SMARCB1: variants seen among roughly 807,000 people sequenced by gnomAD.
SMARCB1 encodes the protein SWI/SNF related BAF chromatin remodeling complex subunit B1.
SMARCB1 carries 5 observed loss-of-function variants against 49.0 expected under a neutral mutation model. The ratio of observed to expected loss-of-function variants is 0.10; its 90% CI spans 0.05 to 0.21. SMARCB1 has a LOEUF of 0.21. Ranked by LOEUF, SMARCB1 falls within the 10% of genes least tolerant of loss-of-function variation. The probability of loss-of-function intolerance (pLI) is 1.00; values close to 1 mark genes in which losing one functional copy is unlikely to be tolerated. For missense variants in SMARCB1, 226 were observed against 509.2 expected, an observed-to-expected ratio of 0.44 and a Z score of 5.35; for synonymous variants, 201 against 200.1, an observed-to-expected ratio of 1.00 and a Z score of -0.04.
intron 6 of SMARCB1, among the ~76,000 whole-genome samples, chr22:23,818,964 C>T (rs2146015939): frequency 6.6e-6 from 1 of 152,002 alleles, no homozygotes; most frequent in African/African-American, 2.4e-5. Context: ...GTGCAGCCTC[C>T]TGAGTAGCTG....
chr22:23,800,024 T>A (rs1929043630), intron 3 of SMARCB1, among the ~76,000 whole-genome samples: 1 of 152,040 alleles, frequency 6.6e-6, no homozygotes, highest in Non-Finnish European at 1.5e-5. Context: ...AGACAGGGTT[T>A]CACCATGTTG....
chr22:23,793,468 T>C, intron 2 of SMARCB1, 91 bp from the exon 3 acceptor site: 2 of 1,364,036 alleles, frequency 1.5e-6, no homozygotes, highest in Non-Finnish European at 2.1e-6. Flanking sequence ...ACCTCCCGCA[T>C]GCGAGGACCT....
At chr22:23,805,916 G>C (rs545539401) in intron 5 of SMARCB1, among the ~76,000 whole-genome samples, 34 of 152,300 alleles carry the variant, frequency 2.2e-4, no homozygotes, top group Non-Finnish European at 2.2e-4. Context: ...GAAAGTTCTG[G>C]TTTGTTTATA....
chr22:23,790,169 A>T (rs1928286378), intron 1 of SMARCB1, among the ~76,000 whole-genome samples: 1 of 152,118 alleles, frequency 6.6e-6, no homozygotes, highest in Non-Finnish European at 1.5e-5. Flanking sequence ...GGAGACTCAG[A>T]GCCCTGCAGG....
rs2031054255 is a variant in SMARCB1, at chr22:23,836,436, G to A, written c.*2256G>A. ...CTGGCCCCAGCAGCCGAAATCTGGT[G>A]AACTTCCCCGCTGACTGGCAGGTAG... On this transcript the variant is annotated 3_prime_UTR_variant, in exon 9 of 9. Transcript: ENST00000644036. 3 of 989,614 alleles carry A rather than the reference G, an allele frequency of 3.0e-6. No homozygotes were observed. The highest frequency in any genetic ancestry group is 3.6e-6 in the Non-Finnish European group (3 of 832,908). The allele number at this position is 989,614 out of a possible 1,614,324, so 61.3% of individuals were successfully genotyped here.
chr22:23,835,930 G>A lies in SMARCB1; in HGVS notation c.*1750G>A. ...CACAAGGTCTGGCTACAACACGGAG[G>A]GCAGACTCAACAGAGAACAGTGTTG... On this transcript the variant is annotated 3_prime_UTR_variant, in exon 9 of 9. Transcript: ENST00000644036. 1.0e-6 allele frequency: 1 copy of A among 985,474 alleles called. No homozygotes were observed. Among genetic ancestry groups the A allele is most frequent in the Non-Finnish European group, 1.2e-6 (1 of 829,948 alleles). The allele number at this position is 985,474 out of a possible 1,614,324, so 61.0% of individuals were successfully genotyped here. A position where few individuals can be genotyped will look rare whatever the true frequency, so the allele number is the denominator to read the frequency against.
Position 23,816,215 on chromosome 22 carries a change from C to A in SMARCB1, c.629-555C>A, listed in dbSNP as rs1601421857. Reference sequence around the variant, plus strand: ...ACAGATGGTCCCTGTGAGCTCCCATCTGGTACAATTCCTTTTCCAGGATCC... The same window carrying A: ...ACAGATGGTCCCTGTGAGCTCCCATATGGTACAATTCCTTTTCCAGGATCC... On this transcript the variant is annotated intron_variant, in intron 5 of 8. Coordinates refer to ENST00000644036, the MANE Select transcript of SMARCB1 (RefSeq NM_003073.5). 3 of 181,310 alleles carry A rather than the reference C, an allele frequency of 1.7e-5. No individual in the cohort carries two copies. The East Asian group carries it at 4.1e-4, about 25-fold the overall frequency. The allele number at this position is 181,310 out of a possible 1,614,324, so 11.2% of individuals were successfully genotyped here.
chr22:23,797,365 G>A (rs549790325), intron 3 of SMARCB1, among the ~76,000 whole-genome samples: 8 of 150,010 alleles, frequency 5.3e-5, no homozygotes, highest in African/African-American at 1.5e-4. Context: ...CTGGAGTGCA[G>A]TGGCGCCATC....
chr22:23,810,527 C>CAAAAAAAAA (rs201408640), intron 5 of SMARCB1, among the ~76,000 whole-genome samples: 11 of 79,474 alleles, frequency 1.4e-4, no homozygotes, highest in East Asian at 4.0e-4. Flanking sequence ...GACTCTGTCT[C>CAAAAAAAAA]AAAAAAAAAA....
intron 1 of SMARCB1, among the ~76,000 whole-genome samples, chr22:23,788,792 A>G (rs1928178118): frequency 6.6e-6 from 1 of 152,174 alleles, no homozygotes; most frequent in African/African-American, 2.4e-5. Flanking sequence ...AGATGGTCAC[A>G]CTGAGTCCCA....
At chr22:23,803,751 C>T in intron 5 of SMARCB1, 1 of 410,364 alleles carries the variant, frequency 2.4e-6, no homozygotes, top group Admixed American at 3.6e-5. Context: ...CTGCACACAC[C>T]TGCCTTGGGT....
chr22:23,835,886 A>G lies in SMARCB1; in HGVS notation c.*1706A>G, dbSNP rs1001815495. 2 of 985,376 alleles carry G rather than the reference A, an allele frequency of 2.0e-6. No individual in the cohort carries two copies. Among genetic ancestry groups the G allele is most frequent in the African/African-American group, 3.5e-5 (2 of 57,250 alleles). The allele number at this position is 985,376 out of a possible 1,614,324, so 61.0% of individuals were successfully genotyped here. ...CCCTCACTCCTGACCGCCAGCTCAC[A>G]CCGCCGCAAAGCCATCTCCACAAGG... On this transcript the variant is annotated 3_prime_UTR_variant, in exon 9 of 9. Coordinates refer to ENST00000644036, the MANE Select transcript of SMARCB1 (RefSeq NM_003073.5).
chr22:23,810,171 C>CA (rs541598564), intron 5 of SMARCB1, among the ~76,000 whole-genome samples: 2,517 of 126,030 alleles, frequency 0.02, 56 homozygotes, highest in African/African-American at 0.055. Context: ...GACTCCAACT[C>CA]AAAAAAAAAA....
At chr22:23,809,664 G>C (rs1046362527) in intron 5 of SMARCB1, among the ~76,000 whole-genome samples, 9 of 151,428 alleles carry the variant, frequency 5.9e-5, no homozygotes, top group African/African-American at 2.2e-4. Context: ...GCCCGCCTTG[G>C]CCTCCCAAAG....
Position 23,835,424 on chromosome 22 carries a change from C to T in SMARCB1, c.*1244C>T. 1.0e-6 allele frequency: 1 copy of T among 986,848 alleles called. No homozygotes were observed. The highest frequency in any genetic ancestry group is 4.7e-5 in the South Asian group (1 of 21,314). The allele number at this position is 986,848 out of a possible 1,614,324, so 61.1% of individuals were successfully genotyped here. A position where few individuals can be genotyped will look rare whatever the true frequency, so the allele number is the denominator to read the frequency against. Reference sequence around the variant, plus strand: ...GGCTAGGGTCAGAGGCTGCTGTGCTCCCTGGAAGTGGGGTAGGGCCCCATG... The same window carrying T: ...GGCTAGGGTCAGAGGCTGCTGTGCTTCCTGGAAGTGGGGTAGGGCCCCATG... On this transcript the variant is annotated 3_prime_UTR_variant, in exon 9 of 9. Transcript: ENST00000644036.
intron 5 of SMARCB1, chr22:23,815,639 CTTTA>C (rs1930148834): frequency 6.6e-6 from 1 of 152,158 alleles, no homozygotes; most frequent in Admixed American, 6.5e-5. Context: ...TTCATAGCAG[CTTTA>C]TTTATAATAG....
chr22:23,801,427 C>G, intron 4 of SMARCB1: 1 of 600,100 alleles, frequency 1.7e-6, no homozygotes, highest in Non-Finnish European at 3.1e-6. Context: ...GTGACTCCCA[C>G]TGTGCCACCA....
In SMARCB1 at chr22:23,834,372, A is replaced by ACCCCCCCCCCCCCCC; in HGVS notation, c.*196_*197insCCCCCCCCCCCCCCC. On this transcript the variant is annotated 3_prime_UTR_variant, in exon 9 of 9. Transcript: ENST00000644036. ...TTGTTGAGCCCCAGTCCTGCCCCCC[A>ACCCCCCCCCCCCCCC]CCCCACCCTCCCTACCCCTCCCCAG... 2.6e-6 allele frequency: 1 copy of ACCCCCCCCCCCCCCC among 388,636 alleles called. No homozygotes were observed. The allele number at this position is 388,636 out of a possible 1,614,324, so 24.1% of individuals were successfully genotyped here.
At position 23,834,771 on chromosome 22, in the gene SMARCB1, G is replaced by A; in HGVS notation, c.*591G>A. The A allele has an allele frequency of 7.0e-7, 1 of 1,436,004 alleles. No homozygotes were observed. The highest frequency in any genetic ancestry group is 1.2e-5 in the South Asian group (1 of 80,510). 89.0% of individuals were successfully genotyped at this position (1,436,004 alleles called of 1,614,324 possible). ...GAGAAGAGTAGCTGTGAGGCTCAGG[G>A]CAAGAGGCTCTCTGCCTTTCAGGAA... On this transcript the variant is annotated 3_prime_UTR_variant, in exon 9 of 9. Transcript: ENST00000644036.
Sources: allele counts gnomAD v4.1 joint callset (sites outside exome capture counted in the v4.1 genomes callset), GRCh38; gene constraint gnomAD v4.1.1; transcripts MANE v1.5; gene names NCBI Gene and HGNC (gene_info 2026-07-23, HGNC 2026-07-21).